The following TMEM232 variants were observed in gnomAD, a reference collection of about 807,000 sequenced individuals.
The protein encoded by TMEM232 is transmembrane protein 232.
TMEM232 carries 80 observed loss-of-function variants against 78.8 expected under a neutral mutation model. That is an observed-to-expected ratio of 1.01 (90% CI 0.85 to 1.22). The LOEUF (loss-of-function observed/expected upper bound fraction) is 1.22. Ranked by LOEUF, TMEM232 falls within the 50% of genes most tolerant of loss-of-function variation. The pLI is 0.00. For missense variants in TMEM232, 881 were observed against 742.2 expected, an observed-to-expected ratio of 1.19 and a Z score of -2.17; for synonymous variants, 297 against 254.3, an observed-to-expected ratio of 1.17 and a Z score of -1.60.
chr5:110,515,515 G>C (rs957726285), intron 12 of TMEM232, among the ~76,000 whole-genome samples: 2 of 152,182 alleles, frequency 1.3e-5, no homozygotes, highest in Non-Finnish European at 2.9e-5. Context: ...TAAGAAGGTA[G>C]AGTAGCAGTC....
At position 110,420,459 on chromosome 5, in the gene TMEM232, A is replaced by C. The variant is rs1056046443; in HGVS notation, c.*121T>G. ...GTATCAGGAAAACAAATTCTTTCTA[A>C]ACAATACCTCCATTTAATGACAAGA... On this transcript the variant is annotated 3_prime_UTR_variant, in exon 14 of 14. Transcript: ENST00000455884. 1.4e-5 allele frequency: 9 copies of C among 623,684 alleles called. No individual in the cohort carries two copies. The African/African-American group carries it at 1.6e-4, about 11-fold the overall frequency. The allele number at this position is 623,684 out of a possible 1,614,324, so 38.6% of individuals were successfully genotyped here.
At chr5:110,631,727 T>A (rs73226243) in intron 5 of TMEM232, among the ~76,000 whole-genome samples, 2,812 of 152,256 alleles carry the variant, frequency 0.018, 103 homozygotes, top group African/African-American at 0.065. Context: ...ACAGGCAAGC[T>A]TGAGCTGCAT....
At chr5:110,554,213 A>G (rs1254913391) in intron 11 of TMEM232, among the ~76,000 whole-genome samples, 3 of 152,144 alleles carry the variant, frequency 2.0e-5, no homozygotes, top group African/African-American at 7.2e-5. Flanking sequence ...GGTGAGCACA[A>G]TCTAATCAGC....
intron 3 of TMEM232, among the ~76,000 whole-genome samples, chr5:110,391,969 C>G (rs1011341718): frequency 3.9e-5 from 6 of 152,146 alleles, no homozygotes. Context: ...GACATTGTAT[C>G]TCCTACATAT....
chr5:110,635,832 C>T (rs965485782), intron 5 of TMEM232, among the ~76,000 whole-genome samples: 4 of 151,866 alleles, frequency 2.6e-5, no homozygotes, highest in African/African-American at 7.2e-5. Context: ...AGTACAGCCA[C>T]TATGGAAAAC....
intron 2 of TMEM232, among the ~76,000 whole-genome samples, chr5:110,408,635 CA>C (rs1561460421): frequency 6.6e-6 from 1 of 151,620 alleles, no homozygotes; most frequent in East Asian, 1.9e-4. Flanking sequence ...AAAGGTGAAA[CA>C]AAAAGTTTGT....
chr5:110,402,305 A>C (rs946605988), intron 2 of TMEM232, among the ~76,000 whole-genome samples: 1 of 152,090 alleles, frequency 6.6e-6, no homozygotes, highest in African/African-American at 2.4e-5. Context: ...TTCCTGAATA[A>C]ATCTTTTACA....
intron 8 of TMEM232, 103 bp from the exon 9 acceptor site, chr5:110,606,390 C>G: frequency 6.4e-6 from 7 of 1,100,276 alleles, no homozygotes; most frequent in Non-Finnish European, 8.7e-6. Context: ...AAATGCATGT[C>G]TGCATTACCA....
At chr5:110,624,027 G>A (rs919132492) in intron 7 of TMEM232, among the ~76,000 whole-genome samples, 13 of 152,086 alleles carry the variant, frequency 8.5e-5, no homozygotes, top group African/African-American at 3.1e-4. Flanking sequence ...TGTGCACCAA[G>A]AGTGACAAAA....
At chr5:110,447,827 G>C (rs901338867) in intron 12 of TMEM232, among the ~76,000 whole-genome samples, 3 of 152,022 alleles carry the variant, frequency 2.0e-5, no homozygotes, top group African/African-American at 4.8e-5. Context: ...CAGTGATATG[G>C]ATTGCCAATT....
At chr5:110,595,116 G>A (rs1394945217) in intron 10 of TMEM232, among the ~76,000 whole-genome samples, 1 of 152,198 alleles carries the variant, frequency 6.6e-6, no homozygotes, top group African/African-American at 2.4e-5. Context: ...TTCTGCTGGT[G>A]ATACCCAGGC....
chr5:110,620,364 A>C (rs1783476709), intron 7 of TMEM232, among the ~76,000 whole-genome samples: 1 of 152,166 alleles, frequency 6.6e-6, no homozygotes, highest in South Asian at 2.1e-4. Flanking sequence ...ATTTGTTTCT[A>C]AGCACAGATA....
rs60719176 is a variant in TMEM232, at chr5:110,617,097, A to T, written c.902+1332T>A. 3.9e-3 allele frequency among the ~76,000 whole-genome samples: 589 copies of T among 152,344 alleles called. 2 individuals carry two copies. The highest frequency in any genetic ancestry group is 0.013 in the African/African-American group (547 of 41,582). ...AATGGAATACTATCCTGTCTTTAAG[A>T]AGAAGGAAGTTCTGTCATTCATAAA... is the stretch of plus-strand genomic sequence containing the variant. On this transcript the variant is annotated intron_variant, in intron 8 of 13. Transcript: ENST00000455884.
At position 110,457,237 on chromosome 5, in the gene TMEM232, G is replaced by A. The variant is rs564225470; in HGVS notation, c.1704-32321C>T. ...TCACAAAAGAAGATACCTGAATAAA[G>A]ATGTATGGATGCTGAGTACAAGAGA... On this transcript the variant is annotated intron_variant, in intron 12 of 13. Coordinates refer to ENST00000455884, the MANE Select transcript of TMEM232 (RefSeq NM_001039763.4). 1.4e-3 allele frequency among the ~76,000 whole-genome samples: 208 copies of A among 152,148 alleles called. 1 individual carries two copies. Among genetic ancestry groups the A allele is most frequent in the Non-Finnish European group, 2.5e-3 (168 of 67,930 alleles).
At chr5:110,693,060 G>A (rs969135979) in intron 1 of TMEM232, among the ~76,000 whole-genome samples, 1 of 152,160 alleles carries the variant, frequency 6.6e-6, no homozygotes, top group South Asian at 2.1e-4. Flanking sequence ...CCCCCAGTAG[G>A]GGCGGTCTGA....
intron 4 of TMEM232, among the ~76,000 whole-genome samples, chr5:110,388,508 A>G (rs985122990): frequency 2.0e-5 from 3 of 152,172 alleles, no homozygotes; most frequent in Non-Finnish European, 2.9e-5. Context: ...CTTTTTATTA[A>G]AAGGAAAACC....
chr5:110,499,636 CACA>C lies in TMEM232; in HGVS notation c.1703+28949_1703+28951del, dbSNP rs1424442343. 7.3e-4 allele frequency among the ~76,000 whole-genome samples: 92 copies of C among 126,788 alleles called. 2 individuals are homozygous for C. Among genetic ancestry groups the C allele is most frequent in the African/African-American group, 4.0e-3 (86 of 21,532 alleles). The allele number at this position is 126,788 out of a possible 152,430, so 83.2% of individuals were successfully genotyped here. On this transcript the variant is annotated intron_variant, in intron 12 of 13. Coordinates refer to ENST00000455884, the MANE Select transcript of TMEM232 (RefSeq NM_001039763.4). ...AAAAATATATGTATACACCCCCCCC[CACA>C]CACACACATATATATATATATAAAG...
At chr5:110,468,979 A>G (rs924156454) in intron 12 of TMEM232, among the ~76,000 whole-genome samples, 6 of 152,216 alleles carry the variant, frequency 3.9e-5, no homozygotes, top group African/African-American at 1.4e-4. Context: ...CCTAAACCAG[A>G]ATAAGCTTGA....
chr5:110,408,329 C>T (rs1301928511), intron 2 of TMEM232, among the ~76,000 whole-genome samples: 2 of 152,154 alleles, frequency 1.3e-5, no homozygotes, highest in African/African-American at 2.4e-5. Context: ...TGGTGCCTCA[C>T]ACCTGTAATC....
Sources: allele counts gnomAD v4.1 joint callset (sites outside exome capture counted in the v4.1 genomes callset), GRCh38; gene constraint gnomAD v4.1.1; transcripts MANE v1.5; gene names NCBI Gene and HGNC (gene_info 2026-07-23, HGNC 2026-07-21).